Variants in SEC14L1 observed in about 807,000 individuals in gnomAD.
SEC14L1 encodes the protein SEC14-like protein 1.
Under a neutral mutation model 85.3 loss-of-function variants are expected in SEC14L1, and 48 were observed. The observed-to-expected ratio is 0.56, with a 90% confidence interval of 0.45 to 0.72. The LOEUF (loss-of-function observed/expected upper bound fraction) is 0.72, where lower values mean the gene tolerates loss of function less well. Ranked by LOEUF, SEC14L1 falls within the 30% of genes least tolerant of loss-of-function variation. SEC14L1 has a pLI of 0.00. For synonymous variants in SEC14L1, 391 were observed against 355.5 expected, an observed-to-expected ratio of 1.10 and a Z score of -1.12; for missense variants, 682 against 921.4, an observed-to-expected ratio of 0.74 and a Z score of 3.36.
intron 3 of SEC14L1, among the ~76,000 whole-genome samples, chr17:77,129,127 G>A (rs951147512): frequency 6.6e-6 from 1 of 152,114 alleles, no homozygotes; most frequent in Non-Finnish European, 1.5e-5. Flanking sequence ...AATAATCTAT[G>A]TGTACAGAAC....
intron 5 of SEC14L1, 86 bp from the exon 6 acceptor site, chr17:77,193,335 T>C (rs1224661803): frequency 8.2e-6 from 11 of 1,347,126 alleles, no homozygotes; most frequent in Middle Eastern, 2.7e-4. Context: ...AAGTGTTTTT[T>C]TCTGGTTACT....
rs542302112 is a variant in SEC14L1, at chr17:77,154,300, G to A, written c.63+10641G>A. 7.6e-4 allele frequency among the ~76,000 whole-genome samples: 116 copies of A among 152,208 alleles called. 1 individual carries two copies. The highest frequency in any genetic ancestry group is 2.4e-3 in the African/African-American group (98 of 41,522). On this transcript the variant is annotated intron_variant, in intron 3 of 16. Transcript: ENST00000436233. The stretch of plus-strand genomic sequence containing the variant: ...AGCCTGGGCAACTTAGCGAGACTCT[G>A]TCTCTATGATAAACTGAAAAAAAAT...
At chr17:77,200,434 T>C in intron 8 of SEC14L1, 50 bp from the exon 9 acceptor site, 1 of 1,520,954 alleles carries the variant, frequency 6.6e-7, no homozygotes, top group Middle Eastern at 2.1e-4. Flanking sequence ...CTCCCAAAGT[T>C]CCCTTCACAA....
chr17:77,149,141 G>A (rs956105769), intron 3 of SEC14L1, among the ~76,000 whole-genome samples: 4 of 152,024 alleles, frequency 2.6e-5, no homozygotes, highest in Non-Finnish European at 5.9e-5. Flanking sequence ...CCCTTCCCCG[G>A]GACACATTCT....
rs530398847 is a variant in SEC14L1 at position 77,175,399 on chromosome 17, G to A, written c.64-15404G>A. Reference sequence around the variant, plus strand: ...CTAGCTAAAGCAAGCTTATAGTGGCGTGAAAGCAGGGATACAGAGGTGGGA... The same window carrying A: ...CTAGCTAAAGCAAGCTTATAGTGGCATGAAAGCAGGGATACAGAGGTGGGA... On this transcript the variant is annotated intron_variant, in intron 3 of 16. Coordinates refer to ENST00000436233, the MANE Select transcript of SEC14L1 (RefSeq NM_001143998.2). Among the ~76,000 whole-genome samples the A allele has an allele frequency of 5.6e-4, 86 of 152,332 alleles. 1 individual carries two copies. Among genetic ancestry groups the A allele is most frequent in the Non-Finnish European group, 1.0e-3 (69 of 68,034 alleles).
intron 3 of SEC14L1, chr17:77,093,403 C>G (rs1251762769): frequency 1.3e-5 from 2 of 152,084 alleles, no homozygotes; most frequent in African/African-American, 4.8e-5. Flanking sequence ...TGCTTAAGAC[C>G]CTGTTGTGTA....
At chr17:77,185,790 GA>G (rs1339993913) in intron 3 of SEC14L1, among the ~76,000 whole-genome samples, 1 of 152,078 alleles carries the variant, frequency 6.6e-6, no homozygotes, top group Admixed American at 6.6e-5. Context: ...GTTTTCCTAG[GA>G]ATTGTTCGTG....
chr17:77,192,565 C>T (rs979857144), intron 5 of SEC14L1, among the ~76,000 whole-genome samples: 1 of 152,148 alleles, frequency 6.6e-6, no homozygotes, highest in Non-Finnish European at 1.5e-5. Context: ...TTCCCTACGT[C>T]TCTAGTCTCA....
At chr17:77,112,500 G>A (rs1225022055) in intron 3 of SEC14L1, among the ~76,000 whole-genome samples, 2 of 152,096 alleles carry the variant, frequency 1.3e-5, no homozygotes, top group South Asian at 2.1e-4. Context: ...CTATATTGAC[G>A]TCTTTGCAAT....
intron 5 of SEC14L1, among the ~76,000 whole-genome samples, chr17:77,191,553 T>TC (rs1221710286): frequency 6.6e-6 from 1 of 152,144 alleles, no homozygotes; most frequent in African/African-American, 2.4e-5. Flanking sequence ...GTTTTTTTTT[T>TC]CTTTTTTGAG....
At chr17:77,200,410 C>G (rs559718727) in intron 8 of SEC14L1, 74 bp from the exon 9 acceptor site, 2 of 1,186,404 alleles carry the variant, frequency 1.7e-6, no homozygotes, top group East Asian at 2.4e-5. Flanking sequence ...CTCAAGCGAT[C>G]CGTCCACCGC....
At chr17:77,142,135 A>G (rs1228637984) in intron 1 of SEC14L1, among the ~76,000 whole-genome samples, 1 of 152,274 alleles carries the variant, frequency 6.6e-6, no homozygotes, top group African/African-American at 2.4e-5. Flanking sequence ...GGGAAGTCAA[A>G]TGGCTTACTC....
At position 77,193,413 on chromosome 17, in the gene SEC14L1, A is replaced by T. The variant is rs986214467; in HGVS notation, c.346-8A>T. On this transcript the variant is annotated splice_region_variant and splice_polypyrimidine_tract_variant and intron_variant, in intron 5 of 16. Transcript: ENST00000436233. ...CAGTCAGTGAGAGTGCTTTCTCTTT[A>T]TCTGCAGGTTCACCCTGAAAATGAA... 6.3e-7 allele frequency: 1 copy of T among 1,592,824 alleles called. No individual in the cohort carries two copies. The highest frequency in any genetic ancestry group is 8.6e-7 in the Non-Finnish European group (1 of 1,165,258).
In SEC14L1 at chr17:77,125,878, G is replaced by A. The variant is rs559866472; in HGVS notation, c.-135-16768G>A. Reference sequence around the variant, plus strand: ...TTCAACAGAAGGAATGGGGCCGGGCGGGGTGGCTCACACCTGTAATCCCAA... The same window carrying A: ...TTCAACAGAAGGAATGGGGCCGGGCAGGGTGGCTCACACCTGTAATCCCAA... On this transcript the variant is annotated intron_variant, in intron 3 of 19. Coordinates refer to the SEC14L1 transcript ENST00000392476. Among the ~76,000 whole-genome samples the A allele has an allele frequency of 3.9e-5, 6 of 152,290 alleles. No individual in the cohort carries two copies. The East Asian group carries it at 9.6e-4, about 24-fold the overall frequency.
At chr17:77,132,959 C>T (rs190345085) in intron 3 of SEC14L1, among the ~76,000 whole-genome samples, 6 of 151,958 alleles carry the variant, frequency 3.9e-5, no homozygotes, top group African/African-American at 1.4e-4. Context: ...AACTCCTGAG[C>T]CCAAGTGATT....
intron 3 of SEC14L1, among the ~76,000 whole-genome samples, chr17:77,154,894 C>T (rs960056310): frequency 1.2e-4 from 18 of 152,144 alleles, no homozygotes; most frequent in African/African-American, 4.1e-4. Flanking sequence ...GTCCGGCCTT[C>T]CCCTTCTGAT....
chr17:77,183,644 A>G (rs1975141549), intron 3 of SEC14L1, among the ~76,000 whole-genome samples: 1 of 152,174 alleles, frequency 6.6e-6, no homozygotes, highest in Non-Finnish European at 1.5e-5. Flanking sequence ...AATACAAATA[A>G]AAAATAAAAA....
Position 77,208,018 on chromosome 17 carries a change from T to G in SEC14L1, c.1476+1156T>G, listed in dbSNP as rs544995903. Among the ~76,000 whole-genome samples, 18 of 152,100 alleles carry G rather than the reference T, an allele frequency of 1.2e-4. 1 individual carries two copies. The South Asian group carries it at 3.7e-3, about 32-fold the overall frequency. On this transcript the variant is annotated intron_variant, in intron 13 of 16. Transcript: ENST00000436233. Reference sequence around the variant, plus strand: ...GGCGGTGGCTGAACTCAGCAGGGAGTGAAGCTCCTTTTCAGAAGGGCTCTC... The same window carrying G: ...GGCGGTGGCTGAACTCAGCAGGGAGGGAAGCTCCTTTTCAGAAGGGCTCTC...
At chr17:77,174,486 A>G (rs1356416119) in intron 3 of SEC14L1, among the ~76,000 whole-genome samples, 1 of 152,200 alleles carries the variant, frequency 6.6e-6, no homozygotes, top group Non-Finnish European at 1.5e-5. Context: ...CCTGACCACC[A>G]AGGAAATACT....
Sources: allele counts gnomAD v4.1 joint callset (sites outside exome capture counted in the v4.1 genomes callset), GRCh38; gene constraint gnomAD v4.1.1; transcripts MANE v1.5; gene names NCBI Gene and HGNC (gene_info 2026-07-23, HGNC 2026-07-21).